The following TRPC4 variants were observed in gnomAD, a reference collection of about 807,000 sequenced individuals.
The protein encoded by TRPC4 is short transient receptor potential channel 4.
Under a neutral mutation model 99.4 loss-of-function variants are expected in TRPC4, and 49 were observed. The ratio of observed to expected loss-of-function variants is 0.49; its 90% CI spans 0.39 to 0.63. The LOEUF is 0.63. TRPC4 is among the 20% of genes least tolerant of loss of function. TRPC4 has a pLI of 0.00. For missense variants in TRPC4, 898 were observed against 1,152.9 expected (o/e 0.78, Z 3.20); for synonymous variants, 454 against 425.9 (o/e 1.07, Z -0.81).
At chr13:37,798,538 G>A (rs186430966) in intron 1 of TRPC4, among the ~76,000 whole-genome samples, 1 of 152,204 alleles carries the variant, frequency 6.6e-6, no homozygotes, top group East Asian at 1.9e-4. Context: ...ATCTCAAAGT[G>A]TCATGATACT....
At chr13:37,833,732 G>A (rs1012163443) in intron 1 of TRPC4, among the ~76,000 whole-genome samples, 2 of 152,288 alleles carry the variant, frequency 1.3e-5, no homozygotes, top group African/African-American at 2.4e-5. Context: ...GAGATCTGTG[G>A]TTGTGGGGCC....
At chr13:37,654,348 T>C (rs1770181897) in intron 7 of TRPC4, among the ~76,000 whole-genome samples, 1 of 152,142 alleles carries the variant, frequency 6.6e-6, no homozygotes, top group South Asian at 2.1e-4. Flanking sequence ...TTCATTCCAC[T>C]AAGAGTTCTG....
chr13:37,707,462 T>C (rs886096265), intron 3 of TRPC4, among the ~76,000 whole-genome samples: 2 of 152,164 alleles, frequency 1.3e-5, no homozygotes, highest in African/African-American at 4.8e-5. Flanking sequence ...CTTTCAATAA[T>C]TATCTTTAAA....
chr13:37,766,336 A>G (rs1956365736), intron 2 of TRPC4, among the ~76,000 whole-genome samples: 1 of 151,426 alleles, frequency 6.6e-6, no homozygotes, highest in South Asian at 2.1e-4. Context: ...ATGTATAGAG[A>G]ATGAGGCCTC....
chr13:37,644,455 A>T (rs1432361252), intron 8 of TRPC4, among the ~76,000 whole-genome samples: 1 of 152,186 alleles, frequency 6.6e-6, no homozygotes, highest in Non-Finnish European at 1.5e-5. Flanking sequence ...ATCTGCATTA[A>T]CTGTGTTTTT....
At position 37,634,082 on chromosome 13, in the gene TRPC4, C is replaced by A. The variant is rs1951452711; in HGVS notation, c.*2821G>T. Among the ~76,000 whole-genome samples the A allele has an allele frequency of 6.6e-6, 1 of 151,954 alleles. No homozygotes were observed. The highest frequency in any genetic ancestry group is 2.4e-5 in the African/African-American group (1 of 41,374). On this transcript the variant is annotated 3_prime_UTR_variant, in exon 11 of 11. Coordinates refer to ENST00000379705, the MANE Select transcript of TRPC4 (RefSeq NM_016179.4). Reference sequence around the variant, plus strand: ...ACTCAGACACAAAATTTAAGAAAAACAGATTTTTTAAGATTAAGAGAGTAC... The same window carrying A: ...ACTCAGACACAAAATTTAAGAAAAAAAGATTTTTTAAGATTAAGAGAGTAC...
chr13:37,760,264 T>C (rs1459333319), intron 2 of TRPC4, among the ~76,000 whole-genome samples: 3 of 151,958 alleles, frequency 2.0e-5, no homozygotes, highest in African/African-American at 7.2e-5. Context: ...ATGCTTCCCA[T>C]GGTCTGAGCA....
chr13:37,729,004 C>A (rs1453454872), intron 3 of TRPC4, among the ~76,000 whole-genome samples: 1 of 151,988 alleles, frequency 6.6e-6, no homozygotes, highest in African/African-American at 2.4e-5. Flanking sequence ...TGGACCCTTG[C>A]CATACCAAAA....
At chr13:37,716,807 A>G (rs537543214) in intron 3 of TRPC4, among the ~76,000 whole-genome samples, 5 of 152,286 alleles carry the variant, frequency 3.3e-5, no homozygotes, top group African/African-American at 1.2e-4. Context: ...AAGCTGGAAA[A>G]AAACATTTTT....
chr13:37,689,137 A>G (rs991956544), intron 4 of TRPC4, among the ~76,000 whole-genome samples: 3 of 152,138 alleles, frequency 2.0e-5, no homozygotes, highest in Non-Finnish European at 4.4e-5. Flanking sequence ...TGCCTTAATA[A>G]TGGTAGCTTA....
intron 3 of TRPC4, 147 bp downstream of exon 3, chr13:37,745,790 T>A: frequency 2.1e-6 from 2 of 934,218 alleles, no homozygotes; most frequent in Non-Finnish European, 3.2e-6. Context: ...TGATTCATAA[T>A]TATTAATCCG....
At chr13:37,848,395 G>A (rs753262362) in intron 1 of TRPC4, among the ~76,000 whole-genome samples, 2 of 152,034 alleles carry the variant, frequency 1.3e-5, no homozygotes, top group Non-Finnish European at 2.9e-5. Flanking sequence ...TGCTATCACA[G>A]CACCATCCAT....
At chr13:37,695,442 T>A (rs565530949) in intron 3 of TRPC4, among the ~76,000 whole-genome samples, 2 of 152,234 alleles carry the variant, frequency 1.3e-5, no homozygotes, top group South Asian at 4.1e-4. Context: ...TCCTACTCCA[T>A]CTTTCTACTG....
intron 1 of TRPC4, among the ~76,000 whole-genome samples, chr13:37,821,588 C>A (rs1958012533): frequency 6.6e-6 from 1 of 152,092 alleles, no homozygotes; most frequent in Admixed American, 6.6e-5. Flanking sequence ...GTAACTGAAA[C>A]AGCATTGAAC....
At chr13:37,833,503 C>T (rs1212358913) in intron 1 of TRPC4, among the ~76,000 whole-genome samples, 2 of 152,120 alleles carry the variant, frequency 1.3e-5, no homozygotes, top group Non-Finnish European at 2.9e-5. Flanking sequence ...AGCTGACGAT[C>T]TTAAAAATGA....
intron 1 of TRPC4, among the ~76,000 whole-genome samples, chr13:37,848,977 T>A (rs1303989698): frequency 6.6e-6 from 1 of 152,180 alleles, no homozygotes; most frequent in East Asian, 1.9e-4. Flanking sequence ...GTCCTGCAGA[T>A]GGTACCCTAC....
At chr13:37,677,568 T>A (rs1338955211) in intron 4 of TRPC4, among the ~76,000 whole-genome samples, 1 of 152,102 alleles carries the variant, frequency 6.6e-6, no homozygotes, top group Non-Finnish European at 1.5e-5. Flanking sequence ...TATAGAGGGA[T>A]ATAACATAAA....
intron 1 of TRPC4, among the ~76,000 whole-genome samples, chr13:37,802,951 A>C (rs1346236240): frequency 2.0e-5 from 3 of 151,874 alleles, no homozygotes; most frequent in Non-Finnish European, 4.4e-5. Flanking sequence ...TTAAGGAAAA[A>C]TTGTCCCCTT....
intron 4 of TRPC4, 111 bp downstream of exon 4, chr13:37,691,888 G>A: frequency 9.3e-7 from 1 of 1,076,776 alleles, no homozygotes; most frequent in Non-Finnish European, 1.3e-6. Context: ...ACAATAGTCA[G>A]AACCTATTCT....
Sources: gnomAD v4.1 joint callset for allele counts (sites outside exome capture counted in the v4.1 genomes callset) on GRCh38, gnomAD v4.1.1 for gene constraint, MANE v1.5 for transcripts, NCBI Gene and HGNC (gene_info 2026-07-23, HGNC 2026-07-21) for gene names.